Variants in SLC24A2 observed in about 807,000 individuals in gnomAD.
SLC24A2 encodes sodium/potassium/calcium exchanger 2.
Under a neutral mutation model 62.0 loss-of-function variants are expected in SLC24A2, and 36 were observed. That is an observed-to-expected ratio of 0.58 (90% CI 0.44 to 0.77). SLC24A2 has a LOEUF of 0.77. Among genes scored for constraint, SLC24A2 ranks in the 30% least tolerant of loss-of-function variants. The pLI is 0.00. For missense variants in SLC24A2, 846 were observed against 817.9 expected (o/e 1.03, Z -0.42); for synonymous variants, 358 against 294.0 (o/e 1.22, Z -2.23).
the SLC24A2 span, among the ~76,000 whole-genome samples, chr9:20,147,067 A>G: frequency 3.9e-5 from 6 of 152,150 alleles, no homozygotes; most frequent in Non-Finnish European, 7.3e-5. Context: ...TCCAAGTTTC[A>G]AGGATAAATT....
chr9:20,231,298 G>A, the SLC24A2 span, among the ~76,000 whole-genome samples: 1 of 152,232 alleles, frequency 6.6e-6, no homozygotes, highest in Admixed American at 6.5e-5. Context: ...GATGGGGATG[G>A]CACTGAATCT....
At chr9:19,667,130 A>G (rs1419067050) in intron 2 of SLC24A2, among the ~76,000 whole-genome samples, 1 of 152,198 alleles carries the variant, frequency 6.6e-6, no homozygotes, top group East Asian at 1.9e-4. Flanking sequence ...ATGATTTATC[A>G]CATAAAAAGA....
intron 2 of SLC24A2, among the ~76,000 whole-genome samples, chr9:19,743,255 G>A (rs1005795874): frequency 2.0e-5 from 3 of 152,128 alleles, no homozygotes; most frequent in African/African-American, 7.2e-5. Flanking sequence ...TATGTCATAG[G>A]GTTAGTCAGT....
At chr9:19,773,119 T>A (rs1232228544) in intron 2 of SLC24A2, among the ~76,000 whole-genome samples, 1 of 152,184 alleles carries the variant, frequency 6.6e-6, no homozygotes. Context: ...GGCAAATCTA[T>A]ACTGACAAAG....
intron 7 of SLC24A2, among the ~76,000 whole-genome samples, chr9:19,566,294 G>A (rs1451802453): frequency 2.0e-5 from 3 of 147,470 alleles, no homozygotes; most frequent in Admixed American, 6.8e-5. Context: ...ATCAAAAAGT[G>A]GGTGAAGGAT....
At chr9:19,759,072 T>C (rs1000710121) in intron 2 of SLC24A2, among the ~76,000 whole-genome samples, 6 of 152,124 alleles carry the variant, frequency 3.9e-5, no homozygotes, top group Admixed American at 2.0e-4. Context: ...AGAAATAAAG[T>C]ACAATTAGCT....
chr9:19,932,980 C>G, the SLC24A2 span, among the ~76,000 whole-genome samples: 1 of 152,226 alleles, frequency 6.6e-6, no homozygotes, highest in Non-Finnish European at 1.5e-5. Flanking sequence ...TGTTGGACTC[C>G]TTGGAATTTT....
intron 7 of SLC24A2, among the ~76,000 whole-genome samples, chr9:19,565,349 T>G (rs541736036): frequency 6.1e-5 from 9 of 147,128 alleles, no homozygotes; most frequent in Admixed American, 6.1e-4. Flanking sequence ...AAATCATGAG[T>G]GAACTCCCAT....
the SLC24A2 span, among the ~76,000 whole-genome samples, chr9:20,249,690 T>C: frequency 7.8e-6 from 1 of 128,942 alleles, no homozygotes; most frequent in Non-Finnish European, 1.5e-5. Context: ...GGGCAGCAGA[T>C]TGAAACTCTG....
At chr9:19,751,094 TTA>T (rs1205064098) in intron 2 of SLC24A2, among the ~76,000 whole-genome samples, 1 of 152,172 alleles carries the variant, frequency 6.6e-6, no homozygotes, top group Admixed American at 6.6e-5. Context: ...CCTCGTAGGA[TTA>T]TGAACCTGGG....
chr9:19,636,323 C>CTTTTCT (rs1554690385), intron 2 of SLC24A2, among the ~76,000 whole-genome samples: 35 of 19,128 alleles, frequency 1.8e-3, no homozygotes, highest in South Asian at 2.4e-3. Flanking sequence ...TCTTTTCTTT[C>CTTTTCT]TTTCTTTCTT....
the SLC24A2 span, among the ~76,000 whole-genome samples, chr9:20,197,239 G>A: frequency 4.6e-5 from 7 of 152,038 alleles, no homozygotes; most frequent in African/African-American, 1.4e-4. Context: ...CCTTTATATA[G>A]AGAGGATTGC....
chr9:19,742,202 G>T (rs1821699729), intron 2 of SLC24A2, among the ~76,000 whole-genome samples: 1 of 152,214 alleles, frequency 6.6e-6, no homozygotes, highest in Non-Finnish European at 1.5e-5. Flanking sequence ...AAAAGCAGAT[G>T]AGAGGAAAGC....
chr9:19,674,886 C>T (rs1344645347), intron 2 of SLC24A2, among the ~76,000 whole-genome samples: 1 of 152,154 alleles, frequency 6.6e-6, no homozygotes, highest in African/African-American at 2.4e-5. Context: ...GGTTTGCATC[C>T]ACTGCTGGTG....
chr9:20,003,890 C>T, the SLC24A2 span, among the ~76,000 whole-genome samples: 16 of 132,694 alleles, frequency 1.2e-4, no homozygotes, highest in South Asian at 2.3e-4. Context: ...GGATGTTTAA[C>T]GAAAAAAAAA....
the SLC24A2 span, among the ~76,000 whole-genome samples, chr9:20,141,871 T>C: frequency 6.6e-6 from 1 of 152,166 alleles, no homozygotes; most frequent in East Asian, 1.9e-4. Flanking sequence ...TCACTTGAGC[T>C]CAGGAGTTCA....
chr9:20,034,462 T>G, the SLC24A2 span, among the ~76,000 whole-genome samples: 8 of 138,842 alleles, frequency 5.8e-5, no homozygotes, highest in African/African-American at 1.6e-4. Flanking sequence ...TTTTTTTTTT[T>G]TTTTTTTTTT....
chr9:19,834,316 A>C, the SLC24A2 span, among the ~76,000 whole-genome samples: 3 of 146,982 alleles, frequency 2.0e-5, no homozygotes, highest in Non-Finnish European at 3.0e-5. Context: ...CAAAGAAGTT[A>C]AAAACTTTGA....
chr9:19,778,753 C>G (rs1822919754), intron 2 of SLC24A2, among the ~76,000 whole-genome samples: 1 of 152,112 alleles, frequency 6.6e-6, no homozygotes, highest in African/African-American at 2.4e-5. Context: ...TGGAGTTCCA[C>G]AGGTAAAGTC....
Sources: allele counts gnomAD v4.1 joint callset (sites outside exome capture counted in the v4.1 genomes callset), GRCh38; gene constraint gnomAD v4.1.1; transcripts MANE v1.5; gene names NCBI Gene and HGNC (gene_info 2026-07-23, HGNC 2026-07-21).